Variants in PRKN observed in about 807,000 individuals in gnomAD.
The protein encoded by PRKN is E3 ubiquitin-protein ligase parkin.
Under a neutral mutation model 59.5 loss-of-function variants are expected in PRKN, and 56 were observed. The observed-to-expected ratio is 0.94, with a 90% CI of 0.76 to 1.18. The LOEUF is 1.18. Among genes scored for constraint, PRKN ranks in the 50% most tolerant of loss-of-function variants. The pLI is 0.00. For missense variants in PRKN, 657 were observed against 596.4 expected (o/e 1.10, Z -1.06); for synonymous variants, 250 against 222.1 (o/e 1.13, Z -1.12).
chr6:162,162,011 G>C (rs1782779878), intron 4 of PRKN, among the ~76,000 whole-genome samples: 1 of 152,048 alleles, frequency 6.6e-6, no homozygotes, highest in Non-Finnish European at 1.5e-5. Flanking sequence ...GAAACAAAAT[G>C]ATAAAAAAGT....
At chr6:162,325,766 T>C (rs1308830229) in intron 2 of PRKN, among the ~76,000 whole-genome samples, 2 of 152,234 alleles carry the variant, frequency 1.3e-5, no homozygotes, top group Non-Finnish European at 2.9e-5. Flanking sequence ...GTTATTATTT[T>C]GCAAGTTTTA....
At chr6:162,414,934 G>T (rs551193714) in intron 2 of PRKN, among the ~76,000 whole-genome samples, 2 of 152,106 alleles carry the variant, frequency 1.3e-5, no homozygotes, top group South Asian at 4.2e-4. Context: ...CCAAACTTAT[G>T]ATTTTACAGA....
chr6:161,731,141 T>A, intron 7 of PRKN, among the ~76,000 whole-genome samples: 1 of 152,390 alleles, frequency 6.6e-6, no homozygotes, highest in Admixed American at 6.5e-5. Context: ...ATGTGTTGAA[T>A]CCTGATATGT....
intron 1 of PRKN, chr6:162,569,586 ATGGCCTGGGCTCCAGCTT>A (rs1780226582): frequency 1.4e-6 from 1 of 717,022 alleles, no homozygotes; most frequent in Non-Finnish European, 2.6e-6. Context: ...GGCCTCAGCT[ATGGCCTGGGCTCCAGCTT>A]TGGCTCTGAC....
At chr6:162,382,007 G>C (rs1786515079) in intron 2 of PRKN, among the ~76,000 whole-genome samples, 1 of 152,050 alleles carries the variant, frequency 6.6e-6, no homozygotes. Context: ...CACACTTAGG[G>C]GGTTATTGGT....
intron 9 of PRKN, among the ~76,000 whole-genome samples, chr6:161,490,796 G>A (rs1478460541): frequency 1.3e-5 from 2 of 152,092 alleles, no homozygotes; most frequent in Non-Finnish European, 2.9e-5. Context: ...TGGGGGTGGG[G>A]TTCTCATGCT....
intron 6 of PRKN, among the ~76,000 whole-genome samples, chr6:161,887,576 G>A (rs767635573): frequency 5.9e-5 from 9 of 152,150 alleles, no homozygotes; most frequent in Non-Finnish European, 1.5e-5. Flanking sequence ...GATTGTATAA[G>A]AGATGCATTC....
At chr6:162,175,014 T>C (rs902638906) in intron 4 of PRKN, among the ~76,000 whole-genome samples, 7 of 152,208 alleles carry the variant, frequency 4.6e-5, no homozygotes, top group Non-Finnish European at 7.3e-5. Context: ...CCTGTGAGGC[T>C]CTACTAAAGA....
In PRKN at chr6:162,323,755, A is replaced by G. The variant is rs528947524; in HGVS notation, c.172-60990T>C. On this transcript the variant is annotated intron_variant, in intron 2 of 11. Transcript: ENST00000366898. The stretch of plus-strand genomic sequence containing the variant: ...AAATTAAAAAGGCTAATCATACCAA[A>G]TACTGGTGAAGGTTGGGAATAACTG... Among the ~76,000 whole-genome samples, 9 of 152,204 alleles carry G rather than the reference A, an allele frequency of 5.9e-5. No homozygotes were observed. In the South Asian group the frequency reaches 1.9e-3, roughly 32 times the overall value.
intron 7 of PRKN, among the ~76,000 whole-genome samples, chr6:161,711,893 G>A (rs1400055639): frequency 6.6e-6 from 1 of 152,152 alleles, no homozygotes; most frequent in African/African-American, 2.4e-5. Flanking sequence ...GGGCTATTGG[G>A]CCTTCAGCCA....
At position 161,498,568 on chromosome 6, in the gene PRKN, T is replaced by A. The variant is rs1562487808; in HGVS notation, c.1083+50286A>T. Among the ~76,000 whole-genome samples, 1 of 152,170 alleles carries A rather than the reference T, an allele frequency of 6.6e-6. No homozygotes were observed. The highest frequency in any genetic ancestry group is 1.9e-4 in the East Asian group (1 of 5,184). On this transcript the variant is annotated intron_variant, in intron 9 of 11. Coordinates refer to ENST00000366898, the MANE Select transcript of PRKN (RefSeq NM_004562.3). This position sits in a 1 kb window ranked among gnomAD's most constrained non-coding sequence, Gnocchi z 4.2. ...ATGAAATGTGGGTGGCAATGACATG[T>A]GTAACTTGAGGCCAGAGCCTTTAAT... is the stretch of plus-strand genomic sequence containing the variant.
At chr6:162,203,311 T>G (rs548387455) in intron 3 of PRKN, among the ~76,000 whole-genome samples, 4 of 151,944 alleles carry the variant, frequency 2.6e-5, no homozygotes, top group Non-Finnish European at 5.9e-5. Context: ...GCATACAAGA[T>G]GACATGCAAT....
At chr6:162,630,658 A>G (rs1783077547) in intron 1 of PRKN, among the ~76,000 whole-genome samples, 1 of 152,158 alleles carries the variant, frequency 6.6e-6, no homozygotes, top group Non-Finnish European at 1.5e-5. Flanking sequence ...TTTATCTGTA[A>G]TATTTCCAGT....
intron 1 of PRKN, among the ~76,000 whole-genome samples, chr6:162,587,171 C>CT (rs1166864610): frequency 3.9e-5 from 6 of 152,174 alleles, no homozygotes; most frequent in Admixed American, 6.5e-5. Context: ...GAGTCTCACT[C>CT]TGTTACCCAC....
chr6:162,659,734 C>T (rs1472383952), intron 1 of PRKN, among the ~76,000 whole-genome samples: 1 of 152,070 alleles, frequency 6.6e-6, no homozygotes, highest in Non-Finnish European at 1.5e-5. Flanking sequence ...TTCTATTATA[C>T]ATTTCCCACA....
At chr6:162,328,098 C>T (rs868813811) in intron 2 of PRKN, among the ~76,000 whole-genome samples, 10 of 69,012 alleles carry the variant, frequency 1.4e-4, no homozygotes, top group East Asian at 1.0e-3. Flanking sequence ...CGGTGGCTGA[C>T]GCGTGGAATC....
intron 7 of PRKN, among the ~76,000 whole-genome samples, chr6:161,625,290 A>C (rs1378215982): frequency 6.6e-6 from 1 of 151,122 alleles, no homozygotes; most frequent in Non-Finnish European, 1.5e-5. Context: ...GGAAACCATC[A>C]TTCTCAGCAA....
At chr6:162,153,682 G>A (rs999358431) in intron 4 of PRKN, among the ~76,000 whole-genome samples, 1 of 152,112 alleles carries the variant, frequency 6.6e-6, no homozygotes, top group Non-Finnish European at 1.5e-5. Flanking sequence ...CTCAGCAGAG[G>A]GGGAGCTGGA....
rs912444980 is a variant in PRKN at position 161,584,012 on chromosome 6, T to C, written c.872-14596A>G. ...GCCAAAACACTCTTCAGAATTTGTC[T>C]ACAAACTTAACACCACCAATCACAG... is the stretch of plus-strand genomic sequence containing the variant. On this transcript the variant is annotated intron_variant, in intron 7 of 11. Coordinates refer to ENST00000366898, the MANE Select transcript of PRKN (RefSeq NM_004562.3). The surrounding 1 kb of genome is among the most constrained non-coding windows in gnomAD (Gnocchi z 4.8). Among the ~76,000 whole-genome samples, 8 of 152,188 alleles carry C rather than the reference T, an allele frequency of 5.3e-5. No individual in the cohort carries two copies. The highest frequency in any genetic ancestry group is 1.5e-5 in the Non-Finnish European group (1 of 68,042).
Sources: gnomAD v4.1 joint callset for allele counts (sites outside exome capture counted in the v4.1 genomes callset) on GRCh38, gnomAD v4.1.1 for gene constraint, Gnocchi (gnomAD v3.1) non-coding constraint, MANE v1.5 for transcripts, NCBI Gene and HGNC (gene_info 2026-07-23, HGNC 2026-07-21) for gene names.